The following NUDCD1 variants were observed in gnomAD, a reference collection of about 807,000 sequenced individuals.
NUDCD1 encodes nudC domain-containing protein 1.
NUDCD1 carries 60 observed loss-of-function variants against 67.8 expected under a neutral mutation model. The ratio of observed to expected loss-of-function variants is 0.88; its 90% confidence interval spans 0.72 to 1.10. The LOEUF (loss-of-function observed/expected upper bound fraction) is 1.10, where lower values mean the gene tolerates loss of function less well. Among genes scored for constraint, NUDCD1 ranks in the 50% least tolerant of loss-of-function variants. NUDCD1 has a pLI of 0.00. For synonymous variants in NUDCD1, 244 were observed against 230.8 expected (o/e 1.06, Z -0.52); for missense variants, 643 against 695.0 (o/e 0.93, Z 0.84).
intron 9 of NUDCD1, among the ~76,000 whole-genome samples, chr8:109,244,452 G>C (rs73700843): frequency 0.021 from 3,153 of 152,114 alleles, 102 homozygotes; most frequent in African/African-American, 0.071. Context: ...TTATAGTAGG[G>C]AGGCTAAAAA....
chr8:109,333,478 CAG>C (rs1205197001), intron 1 of NUDCD1, among the ~76,000 whole-genome samples: 1 of 152,176 alleles, frequency 6.6e-6, no homozygotes, highest in Non-Finnish European at 1.5e-5. Flanking sequence ...TCAGAGGAAA[CAG>C]GAACTGGGGG....
chr8:109,270,065 GGC>G lies in NUDCD1; in HGVS notation c.1299+938_1299+939del, dbSNP rs1491496920. Among the ~76,000 whole-genome samples the G allele has an allele frequency of 7.7e-4, 54 of 70,430 alleles. 1 individual carries two copies. The highest frequency in any genetic ancestry group is 2.6e-3 in the African/African-American group (49 of 18,578). The allele number at this position is 70,430 out of a possible 152,430, so 46.2% of individuals were successfully genotyped here. On this transcript the variant is annotated intron_variant, in intron 8 of 9. Coordinates refer to ENST00000239690, the MANE Select transcript of NUDCD1 (RefSeq NM_032869.4). ...AAGAGTGTAATTTTGAGGTGGCGGG[GGC>G]GGGGGGGGGGGGGGGTGCCTTAAGG...
intron 4 of NUDCD1, among the ~76,000 whole-genome samples, chr8:109,292,871 T>C (rs1814740146): frequency 6.6e-6 from 1 of 152,050 alleles, no homozygotes; most frequent in Non-Finnish European, 1.5e-5. Flanking sequence ...TTCCTAAATG[T>C]AGAAACAAAT....
chr8:109,294,531 G>A (rs1238745816), intron 3 of NUDCD1, among the ~76,000 whole-genome samples: 2 of 152,060 alleles, frequency 1.3e-5, no homozygotes, highest in Non-Finnish European at 2.9e-5. Flanking sequence ...GAAACAAAAC[G>A]GAAGAACAGA....
At position 109,243,049 on chromosome 8, in the gene NUDCD1, G is replaced by A. The variant is rs1337173972; in HGVS notation, c.1712C>T (p.Thr571Ile). The change falls in exon 10 of 10, where the codon ACC becomes ATC. Residue 571 changes from threonine (T) to isoleucine (I), a missense_variant. Coordinates refer to ENST00000239690, the MANE Select transcript of NUDCD1 (RefSeq NM_032869.4). Reference sequence around the variant, plus strand: ...TACTTTTATTAAAAAGAGGTTTTTGGTAGTAAGAACAAATAATCTCTCATT... The same window carrying A: ...TACTTTTATTAAAAAGAGGTTTTTGATAGTAAGAACAAATAATCTCTCATT... ...ATNERLFVLT[T>I]KNLFLIKVNT... 1 of 1,601,084 alleles carries A rather than the reference G, an allele frequency of 6.2e-7. No homozygotes were observed. The highest frequency in any genetic ancestry group is 1.7e-5 in the Admixed American group (1 of 59,880).
intron 7 of NUDCD1, among the ~76,000 whole-genome samples, chr8:109,273,164 A>G (rs1054174204): frequency 6.6e-6 from 1 of 151,856 alleles, no homozygotes; most frequent in Non-Finnish European, 1.5e-5. Flanking sequence ...AAAGCAGCAA[A>G]TAAGGAGCTA....
intron 1 of NUDCD1, among the ~76,000 whole-genome samples, chr8:109,333,477 A>G (rs1815864541): frequency 6.6e-6 from 1 of 152,194 alleles, no homozygotes; most frequent in Admixed American, 6.5e-5. Flanking sequence ...GTCAGAGGAA[A>G]CAGGAACTGG....
chr8:109,280,910 AG>A, intron 6 of NUDCD1, 57 bp downstream of exon 6: 1 of 797,990 alleles, frequency 1.3e-6, no homozygotes, highest in Non-Finnish European at 1.9e-6. Flanking sequence ...CTGTGGAAAG[AG>A]TAAAAAGAAA....
chr8:109,244,889 A>G (rs1211295914), intron 9 of NUDCD1, among the ~76,000 whole-genome samples: 1 of 152,122 alleles, frequency 6.6e-6, no homozygotes, highest in Admixed American at 6.5e-5. Flanking sequence ...TTTGTACTTA[A>G]TTTTGACAAA....
At chr8:109,274,877 A>T (rs115896040) in intron 7 of NUDCD1, among the ~76,000 whole-genome samples, 152 of 152,220 alleles carry the variant, frequency 1.0e-3, no homozygotes, top group African/African-American at 3.6e-3. Flanking sequence ...CCTCATGATT[A>T]AGTATTGTGT....
intron 7 of NUDCD1, among the ~76,000 whole-genome samples, chr8:109,272,718 A>G (rs1029344134): frequency 2.0e-5 from 3 of 152,130 alleles, no homozygotes; most frequent in Admixed American, 2.0e-4. Flanking sequence ...ATCTGAAACT[A>G]AATGGATGGG....
At chr8:109,320,190 C>T (rs571756514) in intron 2 of NUDCD1, among the ~76,000 whole-genome samples, 7 of 152,228 alleles carry the variant, frequency 4.6e-5, no homozygotes, top group Non-Finnish European at 7.4e-5. Context: ...TGAGATCAAC[C>T]GGTCTGACCA....
At chr8:109,304,202 A>G (rs1815053645) in intron 2 of NUDCD1, among the ~76,000 whole-genome samples, 1 of 152,138 alleles carries the variant, frequency 6.6e-6, no homozygotes, top group African/African-American at 2.4e-5. Flanking sequence ...CTCTTACACA[A>G]GAGCCGGGAC....
chr8:109,270,602 T>C (rs561701316), intron 8 of NUDCD1, among the ~76,000 whole-genome samples: 1 of 152,284 alleles, frequency 6.6e-6, no homozygotes, highest in East Asian at 1.9e-4. Flanking sequence ...AAAAAGTTAT[T>C]ACTTATTGTA....
intron 8 of NUDCD1, among the ~76,000 whole-genome samples, chr8:109,252,538 T>G (rs754989071): frequency 3.3e-5 from 5 of 152,180 alleles, no homozygotes; most frequent in Non-Finnish European, 7.3e-5. Context: ...CAGGACATCT[T>G]CTAATGTCCT....
intron 2 of NUDCD1, chr8:109,315,665 A>T (rs1815374081): frequency 2.0e-5 from 3 of 152,148 alleles, no homozygotes; most frequent in Admixed American, 2.0e-4. Flanking sequence ...TCTGTACCCC[A>T]CTGGGTTACT....
At chr8:109,256,367 C>T (rs1813737720) in intron 8 of NUDCD1, among the ~76,000 whole-genome samples, 1 of 151,888 alleles carries the variant, frequency 6.6e-6, no homozygotes. Flanking sequence ...ATTAAAATAC[C>T]ACAGAAGAAT....
At chr8:109,328,489 T>C (rs1349870095) in intron 1 of NUDCD1, among the ~76,000 whole-genome samples, 1 of 152,136 alleles carries the variant, frequency 6.6e-6, no homozygotes, top group Middle Eastern at 3.2e-3. Flanking sequence ...AGAGTACTAA[T>C]GGCATGTGTT....
intron 1 of NUDCD1, among the ~76,000 whole-genome samples, chr8:109,329,634 G>A (rs887499024): frequency 6.6e-6 from 1 of 152,150 alleles, no homozygotes; most frequent in African/African-American, 2.4e-5. Flanking sequence ...AAGGGTACAA[G>A]GAAACTTTGG....
Sources: gnomAD v4.1 joint callset for allele counts (sites outside exome capture counted in the v4.1 genomes callset) on GRCh38, gnomAD v4.1.1 for gene constraint, MANE v1.5 for transcripts, NCBI Gene and HGNC (gene_info 2026-07-23, HGNC 2026-07-21) for gene names.